The following RBBP6 variants were observed in gnomAD, a reference collection of about 807,000 sequenced individuals.
RBBP6 encodes E3 ubiquitin-protein ligase RBBP6.
RBBP6 carries 25 observed loss-of-function variants against 167.7 expected under a neutral mutation model. The ratio of observed to expected loss-of-function variants is 0.15; its 90% confidence interval spans 0.11 to 0.21. The LOEUF (loss-of-function observed/expected upper bound fraction) is 0.21, where lower values mean the gene tolerates loss of function less well. Among genes scored for constraint, RBBP6 ranks in the 10% least tolerant of loss-of-function variants. RBBP6 has a pLI of 1.00. For synonymous variants in RBBP6, 789 were observed against 735.8 expected, an observed-to-expected ratio of 1.07 and a Z score of -1.17; for missense variants, 1,868 against 2,134.2, an observed-to-expected ratio of 0.88 and a Z score of 2.46.
intron 13 of RBBP6, among the ~76,000 whole-genome samples, chr16:24,564,550 A>G (rs1485030615): frequency 6.6e-6 from 1 of 152,232 alleles, no homozygotes; most frequent in Non-Finnish European, 1.5e-5. Flanking sequence ...TTAAAATATA[A>G]TATTACATAA....
intron 2 of RBBP6, among the ~76,000 whole-genome samples, chr16:24,546,916 G>T (rs2141456908): frequency 6.6e-6 from 1 of 152,328 alleles, no homozygotes; most frequent in African/African-American, 2.4e-5. Flanking sequence ...CATTATTGGA[G>T]TAGGAAGAGA....
chr16:24,550,873 T>G (rs1017720455), intron 3 of RBBP6, among the ~76,000 whole-genome samples: 7 of 152,016 alleles, frequency 4.6e-5, no homozygotes, highest in African/African-American at 1.7e-4. Flanking sequence ...TGAGAATATA[T>G]TCATCAAGCA....
Position 24,546,235 on chromosome 16 carries a change from T to A in RBBP6, c.239T>A (p.Val80Asp), listed in dbSNP as rs1225983689. The A allele has an allele frequency of 1.9e-6, 3 of 1,592,218 alleles. No individual in the cohort carries two copies. Among genetic ancestry groups the A allele is most frequent in the Non-Finnish European group, 2.6e-6 (3 of 1,173,744 alleles). ...VIVRRIPIGG[V>D]KSTSKTYVIS... ...GTTAGAAGAATTCCTATTGGAGGTG[T>A]TAAATCTACAAGCAAGACATATGTT... Residue 80 changes from valine to aspartate, a missense_variant, in exon 2 of 18, where the codon GTT (valine) becomes GAT (aspartate). This residue lies in a region of RBBP6 where 184 missense variants were observed against 327.7 expected (regional missense o/e 0.56). Coordinates refer to ENST00000319715, the MANE Select transcript of RBBP6 (RefSeq NM_006910.5).
Position 24,571,895 on chromosome 16 carries a change from G to GTAC in RBBP6, c.4831_4833dup (p.Thr1611dup), listed in dbSNP as rs1225202697. The GTAC allele has an allele frequency of 2.5e-6, 4 of 1,614,070 alleles. No individual in the cohort carries two copies. In the East Asian group the frequency reaches 8.9e-5, roughly 36 times the overall value. On this transcript the variant is annotated inframe_insertion, in exon 18 of 18. Coordinates refer to ENST00000319715, the MANE Select transcript of RBBP6 (RefSeq NM_006910.5). ...CAAATTACTGGGCAAATTGACAAGAGTACTGTCAAGCCTAAACCCCAGTTA... is the reference window on the plus strand; with the variant it reads ...CAAATTACTGGGCAAATTGACAAGAGTACTACTGTCAAGCCTAAACCCCAGTTA...
chr16:24,557,229 G>T (rs1437553321), intron 7 of RBBP6, among the ~76,000 whole-genome samples: 1 of 151,794 alleles, frequency 6.6e-6, no homozygotes, highest in Non-Finnish European at 1.5e-5. Context: ...TGCTCCACCC[G>T]CCTCGGCCTC....
intron 2 of RBBP6, among the ~76,000 whole-genome samples, chr16:24,547,763 T>A (rs2141457759): frequency 6.6e-6 from 1 of 152,310 alleles, no homozygotes; most frequent in African/African-American, 2.4e-5. Flanking sequence ...GCCTAAGAAT[T>A]ATAAATTTAT....
chr16:24,561,593 T>G lies in RBBP6; in HGVS notation c.848-19T>G. The G allele has an allele frequency of 6.3e-7, 1 of 1,583,252 alleles. No homozygotes were observed. Among genetic ancestry groups the G allele is most frequent in the Non-Finnish European group, 8.7e-7 (1 of 1,155,538 alleles). ...AGTTCCTACTATGCTTTTATTAATA[T>G]TTGAAATCTTATACATAGGTATAAG... On this transcript the variant is annotated intron_variant, in intron 8 of 17. Coordinates refer to ENST00000319715, the MANE Select transcript of RBBP6 (RefSeq NM_006910.5).
At chr16:24,549,506 T>A (rs1175719947) in intron 3 of RBBP6, 1 of 412,980 alleles carries the variant, frequency 2.4e-6, no homozygotes, top group Non-Finnish European at 3.3e-6. Flanking sequence ...AAGCTTATAT[T>A]AAAGTTTGAT....
chr16:24,546,523 G>A (rs1156252796), intron 2 of RBBP6, among the ~76,000 whole-genome samples: 1 of 152,120 alleles, frequency 6.6e-6, no homozygotes, highest in Non-Finnish European at 1.5e-5. Flanking sequence ...ATACAAGAAA[G>A]TGATATTCAC....
chr16:24,542,320 A>G (rs1263124899), intron 1 of RBBP6, among the ~76,000 whole-genome samples: 3 of 152,226 alleles, frequency 2.0e-5, no homozygotes, highest in Non-Finnish European at 4.4e-5. Context: ...AGGAGAGACA[A>G]TATGAATGGA....
rs1436661610 is a variant in RBBP6 at position 24,563,474 on chromosome 16, T to C, written c.1438T>C (p.Leu480=). The C allele has an allele frequency of 1.9e-6, 3 of 1,613,586 alleles. No individual in the cohort carries two copies. Among genetic ancestry groups the C allele is most frequent in the East Asian group, 4.5e-5 (2 of 44,858 alleles). The change falls in exon 12 of 18, where the codon TTG becomes CTG. Residue 480 remains leucine, a synonymous_variant. Transcript: ENST00000319715. ...GTPSLLGQSL[L]HGQLIPTTGP... ...CCCATCTTTGCTTGGACAGTCATTA[T>C]TGCATGGACAGTTGATCCCCACAAC...
rs1898483292 is a variant in RBBP6, at chr16:24,541,199, A to AC, written c.166+407_166+408insC. 2.3e-5 allele frequency among the ~76,000 whole-genome samples: 3 copies of AC among 132,620 alleles called. 1 individual carries two copies. Among genetic ancestry groups the AC allele is most frequent in the South Asian group, 4.5e-4 (2 of 4,404 alleles). 87.0% of individuals were successfully genotyped at this position (132,620 alleles called of 152,430 possible). On this transcript the variant is annotated intron_variant, in intron 1 of 17. Transcript: ENST00000319715. ...CAATCAGCAAAAAAAAAAACAAAAA[A>AC]AAAACCAAAAAAACAATTTTCTAAC...
Position 24,567,848 on chromosome 16 carries a change from T to G in RBBP6, c.2009T>G (p.Met670Arg). 6.2e-7 allele frequency: 1 copy of G among 1,613,880 alleles called. No homozygotes were observed. The highest frequency in any genetic ancestry group is 8.5e-7 in the Non-Finnish European group (1 of 1,179,874). ...EFTNDFAKEL[M>R]EYKKIQKERR... ...ACAAATGATTTTGCTAAGGAATTGA[T>G]GGAATACAAAAAGATTCAAAAGGAG... The change falls in exon 16 of 18, where the codon ATG becomes AGG. Residue 670 changes from methionine to arginine, a missense_variant. Transcript: ENST00000319715.
rs1456495534 is a variant in RBBP6 at position 24,563,612 on chromosome 16, C to A, written c.1468C>A (p.Pro490Thr). Reference sequence around the variant, plus strand: ...CTGCTTTTATTTTTTGTTTCTAGGTCCAGTAAGAATAAATACTGCTCGTCC... The same window carrying A: ...CTGCTTTTATTTTTTGTTTCTAGGTACAGTAAGAATAAATACTGCTCGTCC... ...LHGQLIPTTG[P>T]VRINTARPGG... The change falls in exon 13 of 18, where the codon CCA (proline) becomes ACA (threonine). Residue 490 changes from proline to threonine, a missense_variant and splice_region_variant. This residue lies in a region of RBBP6 where 245 missense variants were observed against 240.1 expected (regional missense o/e 1.02). Coordinates refer to ENST00000319715, the MANE Select transcript of RBBP6 (RefSeq NM_006910.5). 1 of 1,611,654 alleles carries A rather than the reference C, an allele frequency of 6.2e-7. No individual in the cohort carries two copies. The highest frequency in any genetic ancestry group is 2.2e-5 in the East Asian group (1 of 44,824).
chr16:24,544,023 A>G (rs28640970), intron 1 of RBBP6, among the ~76,000 whole-genome samples: 41,387 of 151,948 alleles, frequency 0.27, 5,702 homozygotes, highest in Admixed American at 0.34. Flanking sequence ...AGATACTTTG[A>G]GGGGTAAGAA....
Position 24,571,846 on chromosome 16 carries a change from C to T in RBBP6, c.4780C>T (p.Pro1594Ser). 1 of 1,614,070 alleles carries T rather than the reference C, an allele frequency of 6.2e-7. No individual in the cohort carries two copies. The highest frequency in any genetic ancestry group is 8.5e-7 in the Non-Finnish European group (1 of 1,180,004). Residue 1594 changes from proline to serine, a missense_variant, in exon 18 of 18, where the codon CCA becomes TCA. Pro to Ser is a moderately conservative substitution (Grantham distance 74, BLOSUM62 -1). Around this residue, in one of 7 missense-constraint regions of RBBP6, gnomAD observed 591 missense variants for 540.5 expected, o/e 1.09. Coordinates refer to ENST00000319715, the MANE Select transcript of RBBP6 (RefSeq NM_006910.5). The part of the protein sequence containing the change: ...GNKLLYILNP[P>S]ETQVEKEQIT... The stretch of plus-strand genomic sequence containing the variant: ...TAAACTACTTTATATACTTAACCCA[C>T]CAGAGACACAGGTTGAAAAAGAGCA...
rs1157044405 is a variant in RBBP6 at position 24,539,577 on chromosome 16, C to T, written c.-1050C>T. The stretch of plus-strand genomic sequence containing the variant: ...GCTTAAGAGACCCCGCAGTGGGGCG[C>T]TCGTCCGAAGCCAGGCCGCGTCCGC... On this transcript the variant is annotated 5_prime_UTR_variant, in exon 1 of 18. Transcript: ENST00000319715. 1 of 152,190 alleles carries T rather than the reference C, an allele frequency of 6.6e-6. No homozygotes were observed. Among genetic ancestry groups the T allele is most frequent in the Admixed American group, 6.5e-5 (1 of 15,286 alleles). The allele number at this position is 152,190 out of a possible 1,614,324, so 9.4% of individuals were successfully genotyped here. A position where few individuals can be genotyped will look rare whatever the true frequency, so the allele number is the denominator to read the frequency against.
chr16:24,553,132 A>ATAATG, intron 3 of RBBP6: 1 of 161,190 alleles, frequency 6.2e-6, no homozygotes, highest in South Asian at 1.9e-4. Flanking sequence ...ACAATGTTGT[A>ATAATG]TAATGGCCTT....
In RBBP6 at chr16:24,572,294, A is replaced by G. The variant is rs1899361300; in HGVS notation, c.5228A>G (p.Lys1743Arg). The change falls in exon 18 of 18, where the codon AAG (lysine) becomes AGG (arginine). Residue 1743 changes from lysine (K) to arginine (R), a missense_variant. Around this residue, in one of 7 missense-constraint regions of RBBP6, gnomAD observed 591 missense variants for 540.5 expected, o/e 1.09. Transcript: ENST00000319715. ...KEKKKHKKHK[K>R]HKKHKKHAGT... Reference sequence around the variant, plus strand: ...AAGAAAAAACACAAGAAACATAAAAAGCATAAGAAGCATAAGAAACATGCA... The same window carrying G: ...AAGAAAAAACACAAGAAACATAAAAGGCATAAGAAGCATAAGAAACATGCA... 2.5e-6 allele frequency: 4 copies of G among 1,583,582 alleles called. No homozygotes were observed. The highest frequency in any genetic ancestry group is 1.9e-5 in the Admixed American group (1 of 53,798).
Sources: allele counts gnomAD v4.1 joint callset (sites outside exome capture counted in the v4.1 genomes callset), GRCh38; gene constraint gnomAD v4.1.1; regional missense constraint gnomAD v4.1.1; transcripts MANE v1.5; gene names NCBI Gene and HGNC (gene_info 2026-07-23, HGNC 2026-07-21).